Variants in CCSER1 observed in about 807,000 individuals in gnomAD.
CCSER1 encodes coiled-coil serine rich protein 1.
CCSER1 carries 41 observed loss-of-function variants against 82.0 expected under a neutral mutation model. The observed-to-expected ratio is 0.50, with a 90% CI of 0.39 to 0.65. The LOEUF is 0.65. CCSER1 is among the 30% of genes least tolerant of loss of function. The probability of loss-of-function intolerance (pLI) is 0.00; values close to 1 mark genes in which losing one functional copy is unlikely to be tolerated. For missense variants in CCSER1, 1,119 were observed against 1,064.2 expected, an observed-to-expected ratio of 1.05 and a Z score of -0.72; for synonymous variants, 414 against 383.9, an observed-to-expected ratio of 1.08 and a Z score of -0.92.
rs1001253242 is a variant in CCSER1, at chr4:90,437,279, A to G, written c.1604-30955A>G. Reference sequence around the variant, plus strand: ...CGCACACATGCACACATGCGCGCGCACACACACACATATATATATACACAC... The same window carrying G: ...CGCACACATGCACACATGCGCGCGCGCACACACACATATATATATACACAC... On this transcript the variant is annotated intron_variant, in intron 4 of 10. Transcript: ENST00000509176. Among the ~76,000 whole-genome samples the G allele has an allele frequency of 9.1e-5, 11 of 120,250 alleles. No homozygotes were observed. In the South Asian group the frequency reaches 1.3e-3, roughly 14 times the overall value. The allele number at this position is 120,250 out of a possible 152,430, so 78.9% of individuals were successfully genotyped here.
At chr4:91,326,388 T>C (rs1026052516) in intron 10 of CCSER1, among the ~76,000 whole-genome samples, 1 of 152,070 alleles carries the variant, frequency 6.6e-6, no homozygotes, top group African/African-American at 2.4e-5. Context: ...GGGGAAGTGC[T>C]ACACAACTTT....
At chr4:90,644,240 A>G (rs989385070) in intron 6 of CCSER1, among the ~76,000 whole-genome samples, 1 of 152,196 alleles carries the variant, frequency 6.6e-6, no homozygotes, top group Admixed American at 6.5e-5. Context: ...ATGGGACACA[A>G]GTCTAAACAC....
At chr4:91,251,682 G>A (rs7675354) in intron 10 of CCSER1, among the ~76,000 whole-genome samples, 17,759 of 151,974 alleles carry the variant, frequency 0.12, 1,054 homozygotes, top group South Asian at 0.13. Context: ...GCATATTTAC[G>A]ACATAAAAGT....
Position 91,557,558 on chromosome 4 carries a change from G to A in CCSER1, c.2218-41014G>A, listed in dbSNP as rs187703474. Reference sequence around the variant, plus strand: ...ATACTATGATAACAATTAGAACAGAGTAATATTGGAGTATAGATGAGGAAT... The same window carrying A: ...ATACTATGATAACAATTAGAACAGAATAATATTGGAGTATAGATGAGGAAT... On this transcript the variant is annotated intron_variant, in intron 10 of 10. Transcript: ENST00000509176. 1.4e-3 allele frequency among the ~76,000 whole-genome samples: 215 copies of A among 151,486 alleles called. 1 individual carries two copies. Among genetic ancestry groups the A allele is most frequent in the African/African-American group, 4.9e-3 (204 of 41,466 alleles).
At chr4:90,613,059 C>T (rs74875704) in intron 5 of CCSER1, among the ~76,000 whole-genome samples, 4,184 of 152,168 alleles carry the variant, frequency 0.027, 186 homozygotes, top group African/African-American at 0.096. Context: ...ATACACCCAA[C>T]GGTACACAGG....
At chr4:91,132,642 A>G (rs1728095190) in intron 10 of CCSER1, among the ~76,000 whole-genome samples, 1 of 152,332 alleles carries the variant, frequency 6.6e-6, no homozygotes, top group African/African-American at 2.4e-5. Context: ...TGAAGCAGAC[A>G]TATGTAAGCA....
chr4:90,797,445 G>A (rs1756195695), intron 7 of CCSER1, among the ~76,000 whole-genome samples: 1 of 152,056 alleles, frequency 6.6e-6, no homozygotes, highest in African/African-American at 2.4e-5. Context: ...TTGCCACTCG[G>A]TGCCTTTTAA....
chr4:91,107,275 G>A (rs1223075663), intron 10 of CCSER1, among the ~76,000 whole-genome samples: 1 of 152,032 alleles, frequency 6.6e-6, no homozygotes, highest in Non-Finnish European at 1.5e-5. Context: ...TTTCATTTGA[G>A]ACAGAGCCCC....
chr4:90,589,508 A>T (rs955501285), intron 5 of CCSER1, among the ~76,000 whole-genome samples: 4 of 152,174 alleles, frequency 2.6e-5, no homozygotes, highest in African/African-American at 7.2e-5. Context: ...GGGCAAAAAT[A>T]ACAGAAAATG....
At chr4:90,435,120 TC>T (rs1269305861) in intron 4 of CCSER1, among the ~76,000 whole-genome samples, 1 of 152,150 alleles carries the variant, frequency 6.6e-6, no homozygotes, top group African/African-American at 2.4e-5. Flanking sequence ...TAGTACAGTT[TC>T]CTCAGCTTTA....
intron 10 of CCSER1, among the ~76,000 whole-genome samples, chr4:91,538,698 C>CATATATTATATATATAT: frequency 1.1e-4 from 15 of 138,324 alleles, no homozygotes; most frequent in African/African-American, 4.1e-4. Context: ...TATATATACA[C>CATATATTATATATATAT]ATATATATAT....
At chr4:90,409,241 C>T (rs572008243) in intron 4 of CCSER1, among the ~76,000 whole-genome samples, 1 of 152,304 alleles carries the variant, frequency 6.6e-6, no homozygotes, top group East Asian at 1.9e-4. Flanking sequence ...CCCAATCTAG[C>T]AAGGCAGGCC....
intron 10 of CCSER1, among the ~76,000 whole-genome samples, chr4:91,473,444 G>A (rs569522370): frequency 7.9e-5 from 12 of 152,154 alleles, no homozygotes; most frequent in African/African-American, 2.4e-4. Context: ...TTGTGGGTTC[G>A]TACCTCATTT....
chr4:91,006,109 G>A (rs781690221), intron 9 of CCSER1, among the ~76,000 whole-genome samples: 2 of 152,076 alleles, frequency 1.3e-5, no homozygotes, highest in African/African-American at 2.4e-5. Context: ...TTTCTGTGAA[G>A]AACGTCATTA....
At chr4:90,237,448 G>A (rs746206546) in intron 1 of CCSER1, among the ~76,000 whole-genome samples, 1 of 152,136 alleles carries the variant, frequency 6.6e-6, no homozygotes, top group Non-Finnish European at 1.5e-5. Context: ...TTTGAAAGTA[G>A]TTGAATTCAG....
chr4:91,280,376 C>G (rs887858578), intron 10 of CCSER1, among the ~76,000 whole-genome samples: 11 of 152,164 alleles, frequency 7.2e-5, no homozygotes, highest in Non-Finnish European at 1.6e-4. Flanking sequence ...GAAGTCCACT[C>G]CACTGTTAGT....
At chr4:91,005,786 A>G (rs1738449609) in intron 9 of CCSER1, among the ~76,000 whole-genome samples, 1 of 152,192 alleles carries the variant, frequency 6.6e-6, no homozygotes. Context: ...ATTCTTATGA[A>G]TGTGGATATC....
chr4:90,566,035 T>A (rs900505935), intron 5 of CCSER1, among the ~76,000 whole-genome samples: 4 of 149,848 alleles, frequency 2.7e-5, no homozygotes, highest in Non-Finnish European at 4.5e-5. Flanking sequence ...TTTTTGTATT[T>A]TTTTTTTTTT....
intron 7 of CCSER1, among the ~76,000 whole-genome samples, chr4:90,799,480 C>T (rs1008560558): frequency 6.6e-6 from 1 of 152,002 alleles, no homozygotes; most frequent in Non-Finnish European, 1.5e-5. Flanking sequence ...TGGCCGTAGG[C>T]GTCGTGCCAC....
Sources: gnomAD v4.1 joint callset for allele counts (sites outside exome capture counted in the v4.1 genomes callset) on GRCh38, gnomAD v4.1.1 for gene constraint, MANE v1.5 for transcripts, NCBI Gene and HGNC (gene_info 2026-07-23, HGNC 2026-07-21) for gene names.